Variants in TMTC2 observed in about 807,000 individuals in gnomAD.
TMTC2 encodes transmembrane O-mannosyltransferase targeting cadherins 2.
A neutral mutation model predicts 82.4 loss-of-function variants in TMTC2; 43 were observed. The ratio of observed to expected loss-of-function variants is 0.52; its 90% CI spans 0.41 to 0.67. The LOEUF (loss-of-function observed/expected upper bound fraction) is 0.67, where lower values mean the gene tolerates loss of function less well. Ranked by LOEUF, TMTC2 falls within the 30% of genes least tolerant of loss-of-function variation. The pLI is 0.00. For missense variants in TMTC2, 919 were observed against 1,012.4 expected, an observed-to-expected ratio of 0.91 and a Z score of 1.25; for synonymous variants, 408 against 381.9, an observed-to-expected ratio of 1.07 and a Z score of -0.80.
chr12:82,993,115 C>A (rs1293567052), intron 8 of TMTC2, among the ~76,000 whole-genome samples: 1 of 151,946 alleles, frequency 6.6e-6, no homozygotes, highest in Non-Finnish European at 1.5e-5. Flanking sequence ...CTCCCGAATA[C>A]CTGAGACTAC....
intron 9 of TMTC2, among the ~76,000 whole-genome samples, chr12:83,033,888 G>GTATA (rs59068094): frequency 2.0e-5 from 3 of 146,528 alleles, no homozygotes; most frequent in African/African-American, 5.0e-5. Flanking sequence ...ATATGTGTGT[G>GTATA]TATATATATA....
intron 9 of TMTC2, among the ~76,000 whole-genome samples, chr12:83,038,469 A>C (rs1881757980): frequency 1.3e-5 from 2 of 152,170 alleles, no homozygotes; most frequent in South Asian, 4.1e-4. Flanking sequence ...TAAGATTATC[A>C]GCAAAGATAG....
intron 1 of TMTC2, among the ~76,000 whole-genome samples, chr12:82,776,560 C>T (rs188857822): frequency 7.4e-5 from 11 of 149,454 alleles, no homozygotes; most frequent in Admixed American, 3.4e-4. Context: ...CACTTTAACC[C>T]AGGTGTCCAG....
chr12:82,893,570 A>G (rs1360369454), intron 2 of TMTC2, among the ~76,000 whole-genome samples: 2 of 152,072 alleles, frequency 1.3e-5, no homozygotes, highest in African/African-American at 4.8e-5. Context: ...GAATAATTCC[A>G]CCGCTTAAAA....
At chr12:82,765,890 CAA>C (rs139078618) in intron 1 of TMTC2, among the ~76,000 whole-genome samples, 2,240 of 152,178 alleles carry the variant, frequency 0.015, 50 homozygotes, top group African/African-American at 0.05. Flanking sequence ...GATGATCAAA[CAA>C]GAGTTTTCAT....
chr12:82,743,305 G>C (rs1023314957), intron 1 of TMTC2, among the ~76,000 whole-genome samples: 1 of 152,046 alleles, frequency 6.6e-6, no homozygotes, highest in Non-Finnish European at 1.5e-5. Context: ...GCTGGGAATG[G>C]TGGTGCGTTC....
chr12:82,889,588 G>T (rs574623490), intron 2 of TMTC2, among the ~76,000 whole-genome samples: 1 of 151,748 alleles, frequency 6.6e-6, no homozygotes, highest in Admixed American at 6.6e-5. Flanking sequence ...AAGGCCTTTC[G>T]TACATACGTA....
rs190323364 is a variant in TMTC2 at position 82,793,104 on chromosome 12, G to A, written c.84-63906G>A. ...TAACCACTGCAGGGTTTAATTACAC[G>A]ATGATAGTATGGCTAATTATTCAGA... On this transcript the variant is annotated intron_variant, in intron 1 of 11. Transcript: ENST00000321196. 4.5e-4 allele frequency among the ~76,000 whole-genome samples: 69 copies of A among 152,178 alleles called. 1 individual carries two copies. The highest frequency in any genetic ancestry group is 1.3e-3 in the African/African-American group (54 of 41,542).
intron 1 of TMTC2, among the ~76,000 whole-genome samples, chr12:82,806,555 A>T (rs180679438): frequency 6.6e-6 from 1 of 152,196 alleles, no homozygotes; most frequent in South Asian, 2.1e-4. Context: ...AAATGTGCAT[A>T]TAATTTTTGA....
At chr12:83,066,959 T>C (rs923125226) in intron 11 of TMTC2, among the ~76,000 whole-genome samples, 22 of 151,812 alleles carry the variant, frequency 1.4e-4, no homozygotes, top group African/African-American at 5.3e-4. Context: ...TAGTTAGGGA[T>C]AGAGATGTGG....
chr12:82,949,715 A>G (rs1877243784), intron 4 of TMTC2, among the ~76,000 whole-genome samples: 1 of 152,206 alleles, frequency 6.6e-6, no homozygotes, highest in South Asian at 2.1e-4. Context: ...TGATATAATT[A>G]TATGATAATA....
intron 3 of TMTC2, among the ~76,000 whole-genome samples, chr12:82,924,023 AAC>A (rs1455763523): frequency 6.6e-5 from 10 of 152,238 alleles, no homozygotes; most frequent in Non-Finnish European, 1.2e-4. Context: ...TATTTTGATA[AAC>A]ACAGCATTGT....
At chr12:82,937,150 A>G (rs1301990093) in intron 4 of TMTC2, among the ~76,000 whole-genome samples, 2 of 152,178 alleles carry the variant, frequency 1.3e-5, no homozygotes, top group African/African-American at 4.8e-5. Context: ...GACTGCTATA[A>G]TAAAAATACT....
intron 4 of TMTC2, among the ~76,000 whole-genome samples, chr12:82,947,021 C>T (rs950154619): frequency 9.9e-5 from 15 of 151,974 alleles, no homozygotes; most frequent in Non-Finnish European, 1.9e-4. Flanking sequence ...GGATTACAGA[C>T]GTGAGCCACC....
intron 2 of TMTC2, among the ~76,000 whole-genome samples, chr12:82,863,165 C>G (rs780173297): frequency 6.6e-6 from 1 of 152,164 alleles, no homozygotes; most frequent in African/African-American, 2.4e-5. Flanking sequence ...GTGACCCCCC[C>G]CCAATATCAA....
chr12:82,728,093 A>G (rs1450865221), intron 1 of TMTC2, among the ~76,000 whole-genome samples: 1 of 151,616 alleles, frequency 6.6e-6, no homozygotes, highest in Non-Finnish European at 1.5e-5. Context: ...AGCATTTGCA[A>G]TGCACACATT....
At chr12:82,689,743 C>T (rs1872496500) in intron 1 of TMTC2, among the ~76,000 whole-genome samples, 1 of 152,078 alleles carries the variant, frequency 6.6e-6, no homozygotes, top group South Asian at 2.1e-4. Flanking sequence ...TTTTCAGATG[C>T]AATAGTCTAA....
At chr12:82,841,745 A>C (rs1870348286) in intron 1 of TMTC2, among the ~76,000 whole-genome samples, 1 of 152,204 alleles carries the variant, frequency 6.6e-6, no homozygotes, top group Non-Finnish European at 1.5e-5. Flanking sequence ...GCAGGCAGCA[A>C]AGTCTCTGCC....
chr12:82,927,789 C>T (rs577726148), intron 3 of TMTC2, among the ~76,000 whole-genome samples: 1 of 152,278 alleles, frequency 6.6e-6, no homozygotes, highest in African/African-American at 2.4e-5. Context: ...TTAAGACTCA[C>T]CAAGGGCTCA....
Sources: allele counts gnomAD v4.1 joint callset (sites outside exome capture counted in the v4.1 genomes callset), GRCh38; gene constraint gnomAD v4.1.1; transcripts MANE v1.5; gene names NCBI Gene and HGNC (gene_info 2026-07-23, HGNC 2026-07-21).